The following R3HDM1 variants were observed in gnomAD, a reference collection of about 807,000 sequenced individuals.
R3HDM1 encodes R3H domain containing 1, also known as R3H domain-containing protein 1.
Under a neutral mutation model 141.1 loss-of-function variants are expected in R3HDM1, and 46 were observed. That is an observed-to-expected ratio of 0.33 (90% confidence interval 0.26 to 0.42). R3HDM1 has a LOEUF of 0.42. Among genes scored for constraint, R3HDM1 ranks in the 10% least tolerant of loss-of-function variants. R3HDM1 has a pLI of 1.00. For missense variants in R3HDM1, 1,184 were observed against 1,368.3 expected (o/e 0.87, Z 2.12); for synonymous variants, 435 against 472.9 (o/e 0.92, Z 1.04).
intron 7 of R3HDM1, 84 bp from the exon 8 acceptor site, chr2:135,631,634 A>G (rs1179016288): frequency 8.9e-7 from 1 of 1,124,998 alleles, no homozygotes; most frequent in Non-Finnish European, 1.2e-6. Context: ...GGTGAAATTT[A>G]GCTGTATAAA....
At chr2:135,539,389 A>G (rs888307829) in intron 1 of R3HDM1, among the ~76,000 whole-genome samples, 1 of 152,218 alleles carries the variant, frequency 6.6e-6, no homozygotes. Flanking sequence ...GTGTTGTGTT[A>G]TGAAGGCTGT....
chr2:135,680,811 A>G (rs758092195), intron 21 of R3HDM1, among the ~76,000 whole-genome samples: 32 of 152,220 alleles, frequency 2.1e-4, no homozygotes, highest in Non-Finnish European at 4.0e-4. Context: ...TAAAATCAGT[A>G]CAAGGAAAGC....
intron 24 of R3HDM1, among the ~76,000 whole-genome samples, chr2:135,719,609 C>T (rs1284727514): frequency 6.6e-6 from 1 of 152,064 alleles, no homozygotes; most frequent in African/African-American, 2.4e-5. Context: ...ACAGTTGAAC[C>T]TGGATGATAG....
chr2:135,533,086 C>T (rs967716310), intron 1 of R3HDM1, among the ~76,000 whole-genome samples: 1 of 152,042 alleles, frequency 6.6e-6, no homozygotes, highest in Non-Finnish European at 1.5e-5. Context: ...ATAACTAGTA[C>T]ACCTAGTTAC....
In R3HDM1 at chr2:135,621,624, G is replaced by C; in HGVS notation, c.418+16G>C. The C allele has an allele frequency of 6.6e-7, 1 of 1,506,798 alleles. No individual in the cohort carries two copies. Among genetic ancestry groups the C allele is most frequent in the Non-Finnish European group, 8.9e-7 (1 of 1,126,112 alleles). The allele number at this position is 1,506,798 out of a possible 1,614,324, so 93.3% of individuals were successfully genotyped here. A position where few individuals can be genotyped will look rare whatever the true frequency, so the allele number is the denominator to read the frequency against. ...TTATCAAGAGGTTTGCAGTTCTTTT[G>C]TTTTTTTTTAAAAAAAAATTTTGCT... On this transcript the variant is annotated intron_variant, in intron 6 of 26. Coordinates refer to ENST00000683871, the MANE Select transcript of R3HDM1 (RefSeq NM_001378107.1).
intron 9 of R3HDM1, among the ~76,000 whole-genome samples, chr2:135,634,184 C>T (rs2063022553): frequency 6.6e-6 from 1 of 152,068 alleles, no homozygotes; most frequent in African/African-American, 2.4e-5. Flanking sequence ...TATTTATGTA[C>T]AAATCTGTTC....
At chr2:135,552,448 A>C (rs1169978654) in intron 1 of R3HDM1, among the ~76,000 whole-genome samples, 2 of 152,048 alleles carry the variant, frequency 1.3e-5, no homozygotes, top group African/African-American at 4.8e-5. Flanking sequence ...CACCCGCCTC[A>C]GCCTCCCAAA....
intron 2 of R3HDM1, among the ~76,000 whole-genome samples, chr2:135,604,220 T>G (rs1448195276): frequency 6.6e-6 from 1 of 152,250 alleles, no homozygotes; most frequent in Non-Finnish European, 1.5e-5. Flanking sequence ...ATTTTTAAAT[T>G]ATTTCCTTTT....
chr2:135,669,615 T>G, intron 19 of R3HDM1: 1 of 969,304 alleles, frequency 1.0e-6, no homozygotes, highest in Non-Finnish European at 1.2e-6. Flanking sequence ...CTCAAAAAAG[T>G]AAATTTTAGA....
chr2:135,652,797 A>G (rs2065287563), intron 18 of R3HDM1, among the ~76,000 whole-genome samples: 1 of 152,184 alleles, frequency 6.6e-6, no homozygotes, highest in Admixed American at 6.5e-5. Flanking sequence ...AGGTTTTTAA[A>G]TTACAAATTT....
intron 24 of R3HDM1, among the ~76,000 whole-genome samples, 153 bp downstream of exon 24, chr2:135,715,847 C>T (rs1161234958): frequency 6.6e-6 from 1 of 152,186 alleles, no homozygotes; most frequent in African/African-American, 2.4e-5. Flanking sequence ...ACCATATACC[C>T]TCCTAACCTT....
intron 20 of R3HDM1, among the ~76,000 whole-genome samples, chr2:135,679,319 A>C (rs1181492589): frequency 6.6e-6 from 1 of 152,046 alleles, no homozygotes; most frequent in Non-Finnish European, 1.5e-5. Flanking sequence ...CTGAATGCCT[A>C]CTATAACTAG....
Position 135,638,674 on chromosome 2 carries a change from T to C in R3HDM1, c.941+19T>C. 3 of 1,610,926 alleles carry C rather than the reference T, an allele frequency of 1.9e-6. No homozygotes were observed. The highest frequency in any genetic ancestry group is 2.5e-6 in the Non-Finnish European group (3 of 1,177,214). ...ACAAAAGGTGAGGGAATTTTTAACA[T>C]CTGTTTTGGTAATTGTCTGACTGAT... On this transcript the variant is annotated intron_variant, in intron 12 of 26. Transcript: ENST00000683871.
At chr2:135,684,606 AC>A (rs1168203138) in intron 21 of R3HDM1, among the ~76,000 whole-genome samples, 1 of 151,766 alleles carries the variant, frequency 6.6e-6, no homozygotes, top group African/African-American at 2.4e-5. Flanking sequence ...GCCCTGCTCC[AC>A]CCCCCATCCC....
At chr2:135,545,946 A>G (rs992235916) in intron 1 of R3HDM1, among the ~76,000 whole-genome samples, 7 of 152,220 alleles carry the variant, frequency 4.6e-5, no homozygotes, top group Non-Finnish European at 8.8e-5. Context: ...GGACGCATCC[A>G]GGGGCAATCA....
chr2:135,710,321 G>C (rs112231704), intron 23 of R3HDM1, 90 bp downstream of exon 23: 3 of 1,368,350 alleles, frequency 2.2e-6, no homozygotes, highest in African/African-American at 1.5e-5. Context: ...AATCCCGTCA[G>C]CCAGATTAAT....
At chr2:135,708,204 CATA>C (rs1474241371) in intron 21 of R3HDM1, among the ~76,000 whole-genome samples, 11 of 152,228 alleles carry the variant, frequency 7.2e-5, no homozygotes, top group Non-Finnish European at 1.6e-4. Flanking sequence ...TTAAATCCCA[CATA>C]ATATCATTTT....
chr2:135,617,061 C>T (rs755804745), intron 5 of R3HDM1, among the ~76,000 whole-genome samples: 7 of 152,196 alleles, frequency 4.6e-5, no homozygotes, highest in African/African-American at 1.2e-4. Flanking sequence ...CAGTGGCTCA[C>T]GCCTGTAATC....
At chr2:135,634,972 C>T (rs1403827357) in intron 9 of R3HDM1, among the ~76,000 whole-genome samples, 1 of 152,070 alleles carries the variant, frequency 6.6e-6, no homozygotes, top group Non-Finnish European at 1.5e-5. Context: ...TTCCAAGGGC[C>T]ACAACCTTGT....
Sources: gnomAD v4.1 joint callset for allele counts (sites outside exome capture counted in the v4.1 genomes callset) on GRCh38, gnomAD v4.1.1 for gene constraint, MANE v1.5 for transcripts, NCBI Gene and HGNC (gene_info 2026-07-23, HGNC 2026-07-21) for gene names.